The following MAGI2 variants were observed in gnomAD, a reference collection of about 807,000 sequenced individuals.
MAGI2 encodes the protein membrane associated guanylate kinase, WW and PDZ domain containing 2, also known as membrane-associated guanylate kinase, WW and PDZ domain-containing protein 2.
Under a neutral mutation model 133.3 loss-of-function variants are expected in MAGI2, and 35 were observed. The ratio of observed to expected loss-of-function variants is 0.26; its 90% CI spans 0.20 to 0.35. The LOEUF (loss-of-function observed/expected upper bound fraction) is 0.35, where lower values mean the gene tolerates loss of function less well. Among genes scored for constraint, MAGI2 ranks in the 10% least tolerant of loss-of-function variants. The pLI is 1.00. For synonymous variants in MAGI2, 729 were observed against 710.6 expected (o/e 1.03, Z -0.41); for missense variants, 1,636 against 1,863.4 (o/e 0.88, Z 2.25).
chr7:78,728,536 TGATC>T (rs930817365), intron 2 of MAGI2, among the ~76,000 whole-genome samples: 2 of 136,484 alleles, frequency 1.5e-5, no homozygotes, highest in Non-Finnish European at 3.1e-5. Flanking sequence ...CATCTTTCTC[TGATC>T]TTTTTTTTTT....
chr7:78,057,715 T>C (rs1812738183), intron 21 of MAGI2, among the ~76,000 whole-genome samples: 1 of 151,992 alleles, frequency 6.6e-6, no homozygotes, highest in African/African-American at 2.4e-5. Context: ...GCTTTGGATG[T>C]AGAGAGATTG....
intron 3 of MAGI2, among the ~76,000 whole-genome samples, chr7:78,587,885 T>A (rs1175019310): frequency 6.6e-6 from 1 of 152,194 alleles, no homozygotes; most frequent in Non-Finnish European, 1.5e-5. Context: ...TGGGTATTCA[T>A]TACATTGGTT....
At chr7:79,345,086 G>T (rs749722811) in intron 1 of MAGI2, among the ~76,000 whole-genome samples, 1 of 151,942 alleles carries the variant, frequency 6.6e-6, no homozygotes. Flanking sequence ...TGCATATGTT[G>T]AAGTCCCAAC....
chr7:78,754,964 C>A (rs570523480), intron 2 of MAGI2, among the ~76,000 whole-genome samples: 2 of 152,176 alleles, frequency 1.3e-5, no homozygotes, highest in African/African-American at 4.8e-5. Context: ...CTTTAGCATG[C>A]CTTTTTTCAC....
chr7:78,068,874 C>T (rs1036878905), intron 21 of MAGI2, among the ~76,000 whole-genome samples: 2 of 152,114 alleles, frequency 1.3e-5, no homozygotes, highest in Non-Finnish European at 2.9e-5. Context: ...TCCTTAAGAT[C>T]AACATCTTTT....
intron 6 of MAGI2, among the ~76,000 whole-genome samples, chr7:78,475,236 C>G (rs556598146): frequency 1.3e-5 from 2 of 151,838 alleles, no homozygotes; most frequent in Non-Finnish European, 2.9e-5. Context: ...GCTGGCTTTG[C>G]TCTCAAGAAA....
intron 1 of MAGI2, among the ~76,000 whole-genome samples, chr7:79,323,409 A>G (rs1337456046): frequency 6.6e-6 from 1 of 152,166 alleles, no homozygotes; most frequent in Non-Finnish European, 1.5e-5. Flanking sequence ...TACAGAAAGC[A>G]CCTAGAAGTA....
At position 79,453,496 on chromosome 7, in the gene MAGI2, G is replaced by A; in HGVS notation, c.-176C>T. 1 of 1,418,798 alleles carries A rather than the reference G, an allele frequency of 7.0e-7. No homozygotes were observed. The allele number at this position is 1,418,798 out of a possible 1,614,324, so 87.9% of individuals were successfully genotyped here. On this transcript the variant is annotated 5_prime_UTR_variant, in exon 1 of 22. Coordinates refer to ENST00000354212, the MANE Select transcript of MAGI2 (RefSeq NM_012301.4). ...TGGATGGAGTGTGGACGAGGAATGG[G>A]GAGGATGAGAGGGACGGCTGGGCAG...
chr7:79,342,485 T>G (rs1585639018), intron 1 of MAGI2, among the ~76,000 whole-genome samples: 1 of 152,184 alleles, frequency 6.6e-6, no homozygotes, highest in East Asian at 1.9e-4. Context: ...TCAAGATAGT[T>G]TTTCTCTGTA....
At chr7:78,775,347 A>T (rs1825910738) in intron 2 of MAGI2, among the ~76,000 whole-genome samples, 1 of 123,774 alleles carries the variant, frequency 8.1e-6, no homozygotes, top group Non-Finnish European at 1.8e-5. Flanking sequence ...AAAAAAAAAA[A>T]AAAAAAAAAG....
chr7:78,299,504 C>A (rs1379606771), intron 9 of MAGI2, among the ~76,000 whole-genome samples: 2 of 151,980 alleles, frequency 1.3e-5, no homozygotes, highest in Admixed American at 6.6e-5. Flanking sequence ...ATGGCAATTA[C>A]AAAATAATTG....
At chr7:79,184,488 TA>T (rs994110788) in intron 1 of MAGI2, among the ~76,000 whole-genome samples, 41 of 151,362 alleles carry the variant, frequency 2.7e-4, no homozygotes, top group Non-Finnish European at 3.0e-5. Context: ...AAAGTTAAAA[TA>T]AAAAACAAAC....
rs71095400 is a variant in MAGI2 at position 79,368,847 on chromosome 7, C to CAAAA, written c.301+84169_301+84172dup. On this transcript the variant is annotated intron_variant, in intron 1 of 21. Coordinates refer to ENST00000354212, the MANE Select transcript of MAGI2 (RefSeq NM_012301.4). ...TGGGCGACAGAGCGAGACTCCGTCTCAAAAAAAAAAAAAAAAAAAAAAAAA... is the reference window on the plus strand; with the variant it reads ...TGGGCGACAGAGCGAGACTCCGTCTCAAAAAAAAAAAAAAAAAAAAAAAAAAAAA... Among the ~76,000 whole-genome samples, 92 of 75,340 alleles carry CAAAA rather than the reference C, an allele frequency of 1.2e-3. 3 individuals are homozygous for CAAAA. Among genetic ancestry groups the CAAAA allele is most frequent in the South Asian group, 2.9e-3 (5 of 1,734 alleles). 49.4% of individuals were successfully genotyped at this position (75,340 alleles called of 152,430 possible).
chr7:79,154,296 G>C (rs549757448), intron 1 of MAGI2, among the ~76,000 whole-genome samples: 1 of 152,164 alleles, frequency 6.6e-6, no homozygotes, highest in Non-Finnish European at 1.5e-5. Context: ...TTTGACAAAA[G>C]AGCAAAGAAA....
At chr7:79,017,846 C>T (rs977241685) in intron 1 of MAGI2, among the ~76,000 whole-genome samples, 4 of 152,114 alleles carry the variant, frequency 2.6e-5, no homozygotes, top group African/African-American at 9.7e-5. Context: ...AGCTTGAAGA[C>T]TGGCTCTCCA....
chr7:78,644,083 G>T (rs1810585311), intron 2 of MAGI2, among the ~76,000 whole-genome samples: 1 of 151,832 alleles, frequency 6.6e-6, no homozygotes, highest in Non-Finnish European at 1.5e-5. Context: ...CAGTGATAAA[G>T]AAATTCATTT....
intron 1 of MAGI2, among the ~76,000 whole-genome samples, chr7:79,093,446 G>A (rs1040813564): frequency 7.3e-5 from 11 of 151,618 alleles, no homozygotes; most frequent in African/African-American, 2.7e-4. Context: ...GTTTCCCAGT[G>A]TATATAAAAG....
rs187708775 is a variant in MAGI2 at position 79,257,050 on chromosome 7, A to G, written c.301+195970T>C. Among the ~76,000 whole-genome samples the G allele has an allele frequency of 3.9e-4, 60 of 152,236 alleles. No homozygotes were observed. The East Asian group carries it at 0.011, about 28-fold the overall frequency. ...AGAGTAGATTATAAATCTCACCACAAAAACCATACTTTATGATGTAATATG... is the reference window on the plus strand; with the variant it reads ...AGAGTAGATTATAAATCTCACCACAGAAACCATACTTTATGATGTAATATG... On this transcript the variant is annotated intron_variant, in intron 1 of 21. Transcript: ENST00000354212.
chr7:78,335,281 C>T (rs1789637991), intron 9 of MAGI2, among the ~76,000 whole-genome samples: 2 of 152,184 alleles, frequency 1.3e-5, no homozygotes, highest in Non-Finnish European at 2.9e-5. Context: ...GATCTGAGTA[C>T]ATGGAAGATC....
Sources: gnomAD v4.1 joint callset for allele counts (sites outside exome capture counted in the v4.1 genomes callset) on GRCh38, gnomAD v4.1.1 for gene constraint, MANE v1.5 for transcripts, NCBI Gene and HGNC (gene_info 2026-07-23, HGNC 2026-07-21) for gene names.